The following MAPK6 variants were observed in gnomAD, a reference collection of about 807,000 sequenced individuals.
The protein encoded by MAPK6 is ERK-3.
MAPK6 carries 19 observed loss-of-function variants against 59.3 expected under a neutral mutation model. That is an observed-to-expected ratio of 0.32 (90% CI 0.22 to 0.47). The LOEUF (loss-of-function observed/expected upper bound fraction) is 0.47. MAPK6 is among the 20% of genes least tolerant of loss of function. The probability of loss-of-function intolerance (pLI) is 1.00; values close to 1 mark genes in which losing one functional copy is unlikely to be tolerated. For missense variants in MAPK6, 724 were observed against 847.9 expected, an observed-to-expected ratio of 0.85 and a Z score of 1.81; for synonymous variants, 316 against 290.3, an observed-to-expected ratio of 1.09 and a Z score of -0.90.
intron 2 of MAPK6, among the ~76,000 whole-genome samples, chr15:52,048,151 A>T (rs1310388971): frequency 6.6e-6 from 1 of 151,916 alleles, no homozygotes; most frequent in Non-Finnish European, 1.5e-5. Flanking sequence ...TTTTATTTTT[A>T]TTTATTTATT....
chr15:52,014,703 T>TAAAAAAAAAAAAA (rs796259080), upstream of MAPK6, among the ~76,000 whole-genome samples: 7 of 119,460 alleles, frequency 5.9e-5, no homozygotes, highest in African/African-American at 2.0e-4. Context: ...TGAGATTTTC[T>TAAAAAAAAAAAAA]AAAAAAAAAA....
At chr15:51,976,126 C>T (rs1317517591) in intron 1 of MAPK6, among the ~76,000 whole-genome samples, 2 of 149,128 alleles carry the variant, frequency 1.3e-5, no homozygotes, top group African/African-American at 5.1e-5. Flanking sequence ...ATTTGCCGGG[C>T]GTGGTGGCAC....
intron 3 of MAPK6, chr15:52,057,005 G>GT (rs1447517039): frequency 6.6e-6 from 1 of 152,114 alleles, no homozygotes; most frequent in Non-Finnish European, 1.5e-5. Flanking sequence ...TTTTACTCAT[G>GT]TTAGCAAACC....
intron 1 of MAPK6, among the ~76,000 whole-genome samples, chr15:51,978,413 C>A (rs954059905): frequency 2.0e-5 from 3 of 151,930 alleles, no homozygotes; most frequent in African/African-American, 4.8e-5. Flanking sequence ...GGATTCCAGG[C>A]GTGAGCCACC....
upstream of MAPK6, chr15:52,017,373 G>C (rs1035470074): frequency 6.6e-6 from 1 of 152,148 alleles, no homozygotes; most frequent in African/African-American, 2.4e-5. Flanking sequence ...ATCTTCTTAA[G>C]GATGGGGGAG....
rs1271212584 is a variant in MAPK6 at position 52,065,349 on chromosome 15, A to G, written c.*349A>G. 1 of 170,216 alleles carries G rather than the reference A, an allele frequency of 5.9e-6. No homozygotes were observed. The highest frequency in any genetic ancestry group is 1.2e-5 in the Non-Finnish European group (1 of 80,098). The allele number at this position is 170,216 out of a possible 1,614,324, so 10.5% of individuals were successfully genotyped here. ...ACACAGTGAGACTGTACATAATTGC[A>G]TGAAAATAGCTATTTTTTTCCTAAG... On this transcript the variant is annotated 3_prime_UTR_variant, in exon 6 of 6. Coordinates refer to ENST00000261845, the MANE Select transcript of MAPK6 (RefSeq NM_002748.4).
intron 2 of MAPK6, 81 bp downstream of exon 2, chr15:52,047,096 A>C (rs1486495020): frequency 1.9e-6 from 2 of 1,033,432 alleles, no homozygotes; most frequent in Non-Finnish European, 1.3e-6. Flanking sequence ...TTCTTTGTAT[A>C]TTGTGGCAGA....
At chr15:52,061,156 T>G in intron 4 of MAPK6, 143 bp from the exon 5 acceptor site, 1 of 639,322 alleles carries the variant, frequency 1.6e-6, no homozygotes, top group Non-Finnish European at 2.8e-6. Context: ...ATTAGTACAA[T>G]TAAGATGCTC....
intron 4 of MAPK6, among the ~76,000 whole-genome samples, chr15:52,060,035 C>T (rs1197375092): frequency 6.6e-6 from 1 of 152,116 alleles, no homozygotes; most frequent in African/African-American, 2.4e-5. Flanking sequence ...TGGTTAATTT[C>T]CCTCTATACT....
intron 1 of MAPK6, among the ~76,000 whole-genome samples, chr15:51,976,881 A>G (rs1871811649): frequency 1.3e-5 from 2 of 151,712 alleles, no homozygotes; most frequent in South Asian, 4.1e-4. Flanking sequence ...GAGGCGGAGG[A>G]TGCAGGAGCC....
intron 2 of MAPK6, 26 bp from the exon 3 acceptor site, chr15:52,049,967 A>T (rs745866620): frequency 8.7e-5 from 139 of 1,597,120 alleles, no homozygotes; most frequent in African/African-American, 1.3e-5. Flanking sequence ...AAAGTAAAAA[A>T]AGTATGTTTT....
chr15:51,989,923 A>G (rs908933796), intron 2 of MAPK6, among the ~76,000 whole-genome samples: 4 of 152,172 alleles, frequency 2.6e-5, no homozygotes, highest in African/African-American at 9.7e-5. Context: ...TTAAACTGCC[A>G]ACTTGAATAA....
intron 1 of MAPK6, among the ~76,000 whole-genome samples, chr15:52,030,826 CTG>C (rs1213449125): frequency 2.7e-5 from 4 of 148,034 alleles, no homozygotes; most frequent in African/African-American, 5.0e-5. Flanking sequence ...GGCTCTCAGT[CTG>C]TTACCCAGGC....
intron 2 of MAPK6, among the ~76,000 whole-genome samples, chr15:51,989,728 T>C (rs2057202223): frequency 6.6e-6 from 1 of 152,150 alleles, no homozygotes; most frequent in Non-Finnish European, 1.5e-5. Flanking sequence ...GTCTCCCAAC[T>C]AGCTAGGACT....
At position 52,033,220 on chromosome 15, in the gene MAPK6, G is replaced by A. The variant is rs1056579188; in HGVS notation, c.-631-12610G>A. Among the ~76,000 whole-genome samples the A allele has an allele frequency of 3.3e-5, 5 of 152,286 alleles. No homozygotes were observed. The South Asian group carries it at 6.2e-4, about 19-fold the overall frequency. ...AAGTGTCAACTTGATTGGATTGAAGGATGCCTAGGTAGCTGGTAAAGTATT... is the reference window on the plus strand; with the variant it reads ...AAGTGTCAACTTGATTGGATTGAAGAATGCCTAGGTAGCTGGTAAAGTATT... On this transcript the variant is annotated intron_variant, in intron 1 of 5. Transcript: ENST00000261845.
intron 3 of MAPK6, among the ~76,000 whole-genome samples, chr15:52,007,445 C>G (rs1206033538): frequency 1.3e-4 from 20 of 152,092 alleles, no homozygotes; most frequent in Admixed American, 1.3e-3. Flanking sequence ...TCCTCCTGCT[C>G]TCTCTCTCTT....
chr15:51,993,678 A>C (rs1196804467), intron 2 of MAPK6, among the ~76,000 whole-genome samples: 1 of 152,200 alleles, frequency 6.6e-6, no homozygotes, highest in African/African-American at 2.4e-5. Flanking sequence ...ACACACATAC[A>C]TATATTTCAT....
In MAPK6 at chr15:52,064,419, T is replaced by TCCTTTATTG; in HGVS notation, c.1587_1595dup (p.Phe530_Ala532dup). 6.2e-7 allele frequency: 1 copy of TCCTTTATTG among 1,611,842 alleles called. No homozygotes were observed. The highest frequency in any genetic ancestry group is 8.5e-7 in the Non-Finnish European group (1 of 1,179,756). On this transcript the variant is annotated inframe_insertion, in exon 6 of 6. Coordinates refer to ENST00000261845, the MANE Select transcript of MAPK6 (RefSeq NM_002748.4). ...AAAGAATCAGGGATTTGATTTTGAT[T>TCCTTTATTG]CCTTTATTGCAGGAACTATTCAGCT...
At chr15:52,010,174 G>A (rs1202004983) in intron 3 of MAPK6, among the ~76,000 whole-genome samples, 3 of 152,120 alleles carry the variant, frequency 2.0e-5, no homozygotes, top group Non-Finnish European at 4.4e-5. Context: ...TACTTGGTAG[G>A]AACTTGATAA....
Sources: allele counts gnomAD v4.1 joint callset (sites outside exome capture counted in the v4.1 genomes callset), GRCh38; gene constraint gnomAD v4.1.1; transcripts MANE v1.5; gene names NCBI Gene and HGNC (gene_info 2026-07-23, HGNC 2026-07-21).